CEP83: variants seen among roughly 807,000 people sequenced by gnomAD.
CEP83 encodes the protein centrosomal protein of 83 kDa.
In CEP83, 70 loss-of-function variants were observed where a neutral mutation model predicts 101.9. The ratio of observed to expected loss-of-function variants is 0.69; its 90% CI spans 0.57 to 0.84. The LOEUF is 0.84. Among genes scored for constraint, CEP83 ranks in the 40% least tolerant of loss-of-function variants. CEP83 has a pLI of 0.00. For synonymous variants in CEP83, 264 were observed against 267.9 expected (o/e 0.99, Z 0.14); for missense variants, 715 against 787.2 (o/e 0.91, Z 1.10).
At chr12:94,378,746 T>G (rs373189059) in intron 7 of CEP83, 45 bp downstream of exon 7, 2 of 1,594,788 alleles carry the variant, frequency 1.3e-6, no homozygotes, top group South Asian at 2.2e-5. Context: ...AACTGCACTT[T>G]AAAAAAGTAT....
chr12:94,375,593 T>G (rs2061492388), intron 8 of CEP83, among the ~76,000 whole-genome samples: 1 of 152,130 alleles, frequency 6.6e-6, no homozygotes, highest in Non-Finnish European at 1.5e-5. Flanking sequence ...GTGGATGTCA[T>G]AAGAATTGAT....
intron 11 of CEP83, among the ~76,000 whole-genome samples, chr12:94,355,684 T>C (rs745442322): frequency 7.2e-5 from 11 of 152,168 alleles, no homozygotes; most frequent in Non-Finnish European, 1.6e-4. Flanking sequence ...ATGGCCATAA[T>C]GTCCAAGCTG....
chr12:94,298,699 C>T, the CEP83 span: 1 of 1,612,960 alleles, frequency 6.2e-7, no homozygotes, highest in Non-Finnish European at 8.5e-7. Context: ...AGCAGAGCTC[C>T]ATTTGCTATA....
At chr12:94,437,038 C>T (rs908376913) in intron 1 of CEP83, among the ~76,000 whole-genome samples, 1 of 151,924 alleles carries the variant, frequency 6.6e-6, no homozygotes, top group Non-Finnish European at 1.5e-5. Flanking sequence ...TGATAGATAT[C>T]TAGACATCCA....
intron 11 of CEP83, among the ~76,000 whole-genome samples, chr12:94,343,514 G>A (rs368442273): frequency 0.047 from 5,231 of 111,340 alleles, 150 homozygotes; most frequent in Middle Eastern, 0.1. Context: ...ACGGAGTCTC[G>A]CTCTGTCGCC....
chr12:94,359,466 G>A (rs1044000998), intron 11 of CEP83, among the ~76,000 whole-genome samples: 1 of 152,120 alleles, frequency 6.6e-6, no homozygotes, highest in African/African-American at 2.4e-5. Flanking sequence ...TGATGCCACA[G>A]AAATACTAAA....
chr12:94,355,422 G>C (rs1053998333), intron 11 of CEP83, among the ~76,000 whole-genome samples: 2 of 152,122 alleles, frequency 1.3e-5, no homozygotes, highest in Admixed American at 1.3e-4. Flanking sequence ...GAACCCAGGA[G>C]GCAGAGCTTG....
At chr12:94,294,887 TACAG>T in the CEP83 span, among the ~76,000 whole-genome samples, 2 of 151,478 alleles carry the variant, frequency 1.3e-5, no homozygotes, top group African/African-American at 4.9e-5. Flanking sequence ...GAGGGAAGAG[TACAG>T]ACAATCATCA....
the CEP83 span, among the ~76,000 whole-genome samples, chr12:94,266,997 C>T: frequency 8.7e-4 from 133 of 152,336 alleles, no homozygotes; most frequent in Admixed American, 1.4e-3. Flanking sequence ...GATGTGTGTT[C>T]AGCCTGGACA....
intron 2 of CEP83, among the ~76,000 whole-genome samples, chr12:94,426,407 T>C (rs2065204331): frequency 6.6e-6 from 1 of 152,210 alleles, no homozygotes; most frequent in South Asian, 2.1e-4. Context: ...ATACAACACA[T>C]GGAATGTAAC....
chr12:94,433,273 G>C (rs1053887632), intron 2 of CEP83, among the ~76,000 whole-genome samples: 1 of 152,152 alleles, frequency 6.6e-6, no homozygotes, highest in African/African-American at 2.4e-5. Flanking sequence ...GCAGAGGATA[G>C]ATTTGAGGAG....
At chr12:94,423,731 G>A in intron 2 of CEP83, 1 of 1,611,014 alleles carries the variant, frequency 6.2e-7, no homozygotes, top group Non-Finnish European at 8.5e-7. Flanking sequence ...AGATGGGGAG[G>A]GGAATCCCAC....
intron 4 of CEP83, among the ~76,000 whole-genome samples, chr12:94,404,252 G>A (rs2063414851): frequency 6.6e-6 from 1 of 152,020 alleles, no homozygotes; most frequent in African/African-American, 2.4e-5. Flanking sequence ...AACTATAAAA[G>A]TAGGCAATAC....
intron 1 of CEP83, among the ~76,000 whole-genome samples, chr12:94,447,725 A>G (rs150703534): frequency 4.5e-4 from 69 of 152,248 alleles, no homozygotes; most frequent in African/African-American, 1.5e-3. Context: ...GAAAAAACAG[A>G]TAACACTGGA....
chr12:94,374,311 C>T (rs1211295034), intron 8 of CEP83, among the ~76,000 whole-genome samples: 1 of 152,156 alleles, frequency 6.6e-6, no homozygotes, highest in Non-Finnish European at 1.5e-5. Flanking sequence ...GCCAGCACAT[C>T]CCATGTCCTA....
In CEP83 at chr12:94,398,595, A is replaced by G. The variant is rs982379948; in HGVS notation, c.549+2255T>C. ...ATTTGATTGTAAAACGTGTGTTTGA[A>G]CAATATGAAATCAGTGCACCTTGAA... On this transcript the variant is annotated intron_variant, in intron 6 of 16. Transcript: ENST00000397809. Among the ~76,000 whole-genome samples the G allele has an allele frequency of 2.6e-4, 40 of 152,174 alleles. 1 individual carries two copies. Among genetic ancestry groups the G allele is most frequent in the African/African-American group, 9.2e-4 (38 of 41,432 alleles).
the CEP83 span, among the ~76,000 whole-genome samples, chr12:94,273,582 A>G: frequency 6.6e-5 from 10 of 152,008 alleles, no homozygotes; most frequent in Non-Finnish European, 1.2e-4. Flanking sequence ...TAAATCCCTA[A>G]AATGCTCCGT....
At chr12:94,410,544 C>A (rs2063815926) in intron 4 of CEP83, among the ~76,000 whole-genome samples, 1 of 152,090 alleles carries the variant, frequency 6.6e-6, no homozygotes, top group African/African-American at 2.4e-5. Flanking sequence ...GCTTTACTTA[C>A]TTTCTGGATG....
chr12:94,454,932 CA>C (rs930371312), intron 1 of CEP83, among the ~76,000 whole-genome samples: 3 of 152,154 alleles, frequency 2.0e-5, no homozygotes, highest in Non-Finnish European at 4.4e-5. Context: ...GCACTCACTG[CA>C]AAAGTCTGCA....
Sources: gnomAD v4.1 joint callset for allele counts (sites outside exome capture counted in the v4.1 genomes callset) on GRCh38, gnomAD v4.1.1 for gene constraint, MANE v1.5 for transcripts, NCBI Gene and HGNC (gene_info 2026-07-23, HGNC 2026-07-21) for gene names.